Variants in TTN observed in about 807,000 individuals in gnomAD.
TTN encodes the protein connectin.
TTN carries 1,525 observed loss-of-function variants against 3,223.0 expected under a neutral mutation model. That is an observed-to-expected ratio of 0.47 (90% CI 0.45 to 0.49). The LOEUF (loss-of-function observed/expected upper bound fraction) is 0.49. Among genes scored for constraint, TTN ranks in the 20% least tolerant of loss-of-function variants. The pLI, the probability that TTN is intolerant of heterozygous loss-of-function variation, is 0.00. For missense variants in TTN, 40,786 were observed against 43,424.0 expected (o/e 0.94, Z 5.40); for synonymous variants, 14,094 against 15,161.0 (o/e 0.93, Z 5.17).
chr2:178,784,588 A>G (rs967815853), intron 15 of TTN, among the ~76,000 whole-genome samples: 1 of 152,242 alleles, frequency 6.6e-6, no homozygotes, highest in Non-Finnish European at 1.5e-5. Context: ...AGTTGTATTC[A>G]GAACTCCTTA....
At position 178,718,467 on chromosome 2, in the gene TTN, T is replaced by G. The variant is rs397517510; in HGVS notation, c.24639A>C (p.Gln8213His). 1.1e-4 allele frequency: 171 copies of G among 1,613,608 alleles called. No individual in the cohort carries two copies. Among genetic ancestry groups the G allele is most frequent in the Non-Finnish European group, 1.3e-4 (154 of 1,179,740 alleles). Residue 8213 changes from glutamine to histidine, a missense_variant, in exon 85 of 363, where the codon CAA becomes CAC. Coordinates refer to ENST00000589042, the MANE Select transcript of TTN (RefSeq NM_001267550.2). ...TCATAGTAATACTGCATCTCTCAGATTGTGAAATAAGATACTCGTCCTTTA... is the reference window on the plus strand; with the variant it reads ...TCATAGTAATACTGCATCTCTCAGAGTGTGAAATAAGATACTCGTCCTTTA... ...SWIKDEYLISQSERCSITMTE... is the reference protein window; with the variant it reads ...SWIKDEYLISHSERCSITMTE...
At position 178,799,602 on chromosome 2, in the gene TTN, T is replaced by G. The variant is rs1574979112; in HGVS notation, c.799A>C (p.Thr267Pro). 1 of 1,613,954 alleles carries G rather than the reference T, an allele frequency of 6.2e-7. No homozygotes were observed. Among genetic ancestry groups the G allele is most frequent in the Non-Finnish European group, 8.5e-7 (1 of 1,179,960 alleles). The part of the protein sequence containing the change: ...IPPKPKSRSP[T>P]PPSIAAKAQL... ...GCTTTGGCAGCAATAGACGGTGGTG[T>G]TGGGGATCTTGACTTTGGCTTCGGA... Residue 267 changes from threonine (T) to proline (P), a missense_variant, in exon 6 of 363, where the codon ACA becomes CCA. Physicochemically the swap from Thr to Pro is conservative, Grantham distance 38 (BLOSUM62 -1). Transcript: ENST00000589042.
rs760219634 is a variant in TTN at position 178,776,948 on chromosome 2, T to A, written c.4916A>T (p.Asp1639Val). 6.2e-7 allele frequency: 1 copy of A among 1,613,874 alleles called. No homozygotes were observed. Among genetic ancestry groups the A allele is most frequent in the Admixed American group, 1.7e-5 (1 of 59,986 alleles). The part of the protein sequence containing the change: ...TATAINKAGR[D>V]TTRCKVNVEV... ...AACATTTACTTTGCATCTTGTAGTGTCTCTGCCAGCTTTATTAATAGCAGT... is the reference window on the plus strand; with the variant it reads ...AACATTTACTTTGCATCTTGTAGTGACTCTGCCAGCTTTATTAATAGCAGT... Residue 1639 changes from aspartate to valine, a missense_variant, in exon 28 of 363, where the codon GAC becomes GTC. Coordinates refer to ENST00000589042, the MANE Select transcript of TTN (RefSeq NM_001267550.2).
chr2:178,724,664 A>G (rs938960400), intron 71 of TTN, 126 bp from the exon 72 acceptor site: 11 of 919,062 alleles, frequency 1.2e-5, no homozygotes, highest in African/African-American at 1.0e-4. Flanking sequence ...TCTCGACTTT[A>G]AAGTGTGATT....
In TTN at chr2:178,757,726, C is replaced by A; in HGVS notation, c.10494G>T (p.Trp3498Cys). The A allele has an allele frequency of 6.2e-7, 1 of 1,613,812 alleles. No homozygotes were observed. Among genetic ancestry groups the A allele is most frequent in the Non-Finnish European group, 8.5e-7 (1 of 1,179,808 alleles). Residue 3498 changes from tryptophan (W) to cysteine (C), a missense_variant, in exon 45 of 363, where the codon TGG becomes TGT. Coordinates refer to ENST00000589042, the MANE Select transcript of TTN (RefSeq NM_001267550.2). ...GTAGAATTAGCTGCTGGTTATGAAA[C>A]CATTGGATTTCTGGCTTGGGAATGC... ...VSGIPKPEIQ[W>C]FHNQQLILPT...
At position 178,707,381 on chromosome 2, in the gene TTN, A is replaced by G. The variant is rs10179811; in HGVS notation, c.29041+145T>C. The G allele has an allele frequency of 0.036, 34,715 of 955,762 alleles. 1,451 individuals are homozygous for G. Among genetic ancestry groups the G allele is most frequent in the South Asian group, 0.16 (6,758 of 42,096 alleles). 59.2% of individuals were successfully genotyped at this position (955,762 alleles called of 1,614,324 possible). A position where few individuals can be genotyped will look rare whatever the true frequency, so the allele number is the denominator to read the frequency against. The stretch of plus-strand genomic sequence containing the variant: ...TTCTGTTAAATTACCTAATATTTCA[A>G]TTATAATAAGGAGCCTACAAATTGC... On this transcript the variant is annotated intron_variant, in intron 100 of 362. Transcript: ENST00000589042.
At position 178,789,398 on chromosome 2, in the gene TTN, C is replaced by T; in HGVS notation, c.2038G>A (p.Ala680Thr). The T allele has an allele frequency of 1.2e-6, 2 of 1,613,434 alleles. No homozygotes were observed. Among genetic ancestry groups the T allele is most frequent in the Non-Finnish European group, 1.7e-6 (2 of 1,179,524 alleles). The stretch of plus-strand genomic sequence containing the variant: ...ACTTGGATTTGTTCTTGTCTAGTAG[C>T]CATAGTTTCTCTAGTTCTCAGTATT... ...ETILRTRETM[A>T]TRQEQIQVTH... is the part of the protein sequence containing the mutation. Residue 680 changes from alanine to threonine, a missense_variant, in exon 13 of 363, where the codon GCT becomes ACT. Coordinates refer to ENST00000589042, the MANE Select transcript of TTN (RefSeq NM_001267550.2).
At chr2:178,801,528 T>A (rs2094061501) in intron 3 of TTN, among the ~76,000 whole-genome samples, 1 of 152,242 alleles carries the variant, frequency 6.6e-6, no homozygotes, top group East Asian at 1.9e-4. Flanking sequence ...GTAGCTCATG[T>A]AAGATATTGT....
chr2:178,719,136 A>G, intron 83 of TTN, 28 bp downstream of exon 83: 1 of 1,589,194 alleles, frequency 6.3e-7, no homozygotes, highest in Non-Finnish European at 8.6e-7. Context: ...GTGTTAGAGA[A>G]GCAGCAGCTT....
chr2:178,770,128 G>C lies in TTN; in HGVS notation c.8573C>G (p.Pro2858Arg), dbSNP rs370094744. Residue 2858 changes from proline to arginine, a missense_variant, in exon 36 of 363, where the codon CCC becomes CGC. Coordinates refer to ENST00000589042, the MANE Select transcript of TTN (RefSeq NM_001267550.2). ...VHKLMLQNISPSDAGEYTAVV... is the reference protein window; with the variant it reads ...VHKLMLQNISRSDAGEYTAVV... ...AGCTGTGTATTCCCCAGCATCTGAG[G>C]GGGAGATGTTCTGCAGCATCAGCTT... 1 of 1,614,106 alleles carries C rather than the reference G, an allele frequency of 6.2e-7. No individual in the cohort carries two copies.
At chr2:178,763,185 A>C (rs1219224923) in intron 43 of TTN, among the ~76,000 whole-genome samples, 1 of 152,188 alleles carries the variant, frequency 6.6e-6, no homozygotes, top group African/African-American at 2.4e-5. Flanking sequence ...GATTATAGAC[A>C]ATCAGTTATG....
chr2:178,578,717 T>TAG lies in TTN; in HGVS notation c.68225-4_68225-3dup. 1 of 1,607,430 alleles carries TAG rather than the reference T, an allele frequency of 6.2e-7. No individual in the cohort carries two copies. The highest frequency in any genetic ancestry group is 8.5e-7 in the Non-Finnish European group (1 of 1,178,020). On this transcript the variant is annotated splice_polypyrimidine_tract_variant and splice_region_variant and intron_variant, in intron 320 of 362. Transcript: ENST00000589042. ...GAGGTGGGGGAGCATCAGGCACATC[T>TAG]AGAAAAAAGTAGATAATGCAAGATT...
In TTN at chr2:178,541,554, A is replaced by T; in HGVS notation, c.97523T>A (p.Ile32508Lys). ...CATGCCATCACGGGAAACATCAAAT[A>T]TCTGTAATGTTTCTGGGGGTCCAGG... ...RIPGPPETLQ[I>K]FDVSRDGMTL... is the part of the protein sequence containing the mutation. The change falls in exon 350 of 363, where the codon ATA becomes AAA. Residue 32508 changes from isoleucine (I) to lysine (K), a missense_variant. Transcript: ENST00000589042. The T allele has an allele frequency of 1.2e-6, 2 of 1,611,596 alleles. No homozygotes were observed. Among genetic ancestry groups the T allele is most frequent in the Non-Finnish European group, 1.7e-6 (2 of 1,178,606 alleles).
chr2:178,589,600 G>A lies in TTN; in HGVS notation c.62125C>T (p.Leu20709Phe), dbSNP rs371705537. ...CTTTCCCAGTCATCGGAGCCCTTAA[G>A]CCTTCTCTCAACATGATATGACAGA... ...PNLSYHVERR[L>F]KGSDDWERVH... Residue 20709 changes from leucine to phenylalanine, a missense_variant, in exon 304 of 363, where the codon CTT becomes TTT. Physicochemically the swap from Leu to Phe is conservative, Grantham distance 22. Transcript: ENST00000589042. 5.6e-6 allele frequency: 9 copies of A among 1,613,176 alleles called. No homozygotes were observed. In the African/African-American group the frequency reaches 1.1e-4, roughly 19 times the overall value.
chr2:178,737,110 G>A (rs1198655016), intron 49 of TTN, among the ~76,000 whole-genome samples: 1 of 151,856 alleles, frequency 6.6e-6, no homozygotes, highest in Non-Finnish European at 1.5e-5. Flanking sequence ...GAAAGATAGA[G>A]AGGAGGGAGG....
Position 178,553,924 on chromosome 2 carries a change from A to T in TTN, c.89187T>A (p.Ala29729=), listed in dbSNP as rs1401647603. ...FSEPSEFYKA[A]DPIDPPGPPA... is the part of the protein sequence containing the mutation. ...GGTATGAGCACTTACCAATAGGATC[A>T]GCAGCTTTGTAGAATTCAGATGGTT... Residue 29729 remains alanine (A), a synonymous_variant, in exon 333 of 363, where the codon GCT becomes GCA. Transcript: ENST00000589042. 6.3e-7 allele frequency: 1 copy of T among 1,597,030 alleles called. No homozygotes were observed. The highest frequency in any genetic ancestry group is 1.1e-5 in the South Asian group (1 of 88,444).
chr2:178,753,439 T>A, intron 46 of TTN: 1 of 348,046 alleles, frequency 2.9e-6, no homozygotes. Context: ...TCCCCATGCC[T>A]TTACATGCAT....
Position 178,800,448 on chromosome 2 carries a change from T to C in TTN, c.530A>G (p.Asn177Ser). The change falls in exon 4 of 363, where the codon AAT (asparagine) becomes AGT (serine). Residue 177 changes from asparagine to serine, a missense_variant. Coordinates refer to ENST00000589042, the MANE Select transcript of TTN (RefSeq NM_001267550.2). ...AGCTCTTCCAACGCTATTGGTGGCA[T>C]TTACTGAATAGGTCCCTGAGTCCTC... ...YPEDSGTYSV[N>S]ATNSVGRATS... 6.2e-7 allele frequency: 1 copy of C among 1,614,196 alleles called. No homozygotes were observed. Among genetic ancestry groups the C allele is most frequent in the Non-Finnish European group, 8.5e-7 (1 of 1,180,016 alleles).
chr2:178,766,630 TA>T lies in TTN; in HGVS notation c.9472-19del, dbSNP rs201990196. 6.2e-4 allele frequency: 995 copies of T among 1,593,290 alleles called. 4 individuals carry two copies. Among genetic ancestry groups the T allele is most frequent in the African/African-American group, 6.0e-3 (447 of 74,236 alleles). ...TCAATGACCTGTTGATGGAACAACA[TA>T]AAAAAACAACAACAACAACAAAAAC... On this transcript the variant is annotated intron_variant, in intron 40 of 362. Transcript: ENST00000589042.
Sources: allele counts gnomAD v4.1 joint callset (sites outside exome capture counted in the v4.1 genomes callset), GRCh38; gene constraint gnomAD v4.1.1; transcripts MANE v1.5; gene names NCBI Gene and HGNC (gene_info 2026-07-23, HGNC 2026-07-21).